The following RANBP2 variants were observed in gnomAD, a reference collection of about 807,000 sequenced individuals.
The protein encoded by RANBP2 is RAN binding protein 2.
In RANBP2, 57 loss-of-function variants were observed where a neutral mutation model predicts 303.6. The observed-to-expected ratio is 0.19, with a 90% CI of 0.15 to 0.23. The LOEUF is 0.23. Ranked by LOEUF, RANBP2 falls within the 10% of genes least tolerant of loss-of-function variation. The pLI is 1.00. For missense variants in RANBP2, 3,138 were observed against 3,780.8 expected (o/e 0.83, Z 4.46); for synonymous variants, 1,167 against 1,301.5 (o/e 0.90, Z 2.23).
the RANBP2 span, among the ~76,000 whole-genome samples, chr2:109,442,087 G>T: frequency 6.6e-6 from 1 of 152,120 alleles, no homozygotes; most frequent in Non-Finnish European, 1.5e-5. Context: ...TGAGACGGGT[G>T]GATCACGAGG....
the RANBP2 span, among the ~76,000 whole-genome samples, chr2:109,101,848 C>A: frequency 6.6e-6 from 1 of 152,090 alleles, no homozygotes; most frequent in African/African-American, 2.4e-5. Flanking sequence ...GTGTTTTAGG[C>A]GCTGGTGAGC....
the RANBP2 span, among the ~76,000 whole-genome samples, chr2:109,692,992 T>C: frequency 1.3e-5 from 2 of 151,878 alleles, no homozygotes; most frequent in Non-Finnish European, 2.9e-5. Context: ...CATATCTCAT[T>C]ATACCGTCTG....
chr2:108,958,356 G>T, the RANBP2 span, among the ~76,000 whole-genome samples: 2 of 151,986 alleles, frequency 1.3e-5, no homozygotes, highest in Non-Finnish European at 1.5e-5. Flanking sequence ...TAAATACACA[G>T]GGAATTGCTA....
At chr2:109,391,872 C>T in the RANBP2 span, among the ~76,000 whole-genome samples, 1 of 152,062 alleles carries the variant, frequency 6.6e-6, no homozygotes, top group African/African-American at 2.4e-5. Flanking sequence ...CAGGGTCTTA[C>T]TCTGTCACCC....
chr2:109,361,105 C>T, the RANBP2 span, among the ~76,000 whole-genome samples: 42 of 152,224 alleles, frequency 2.8e-4, no homozygotes, highest in African/African-American at 9.4e-4. Context: ...CTTCTTTAGC[C>T]TGTGGATATG....
chr2:108,731,620 T>C, intron 4 of RANBP2, 146 bp downstream of exon 4: 1 of 1,456,254 alleles, frequency 6.9e-7, no homozygotes, highest in Non-Finnish European at 9.2e-7. Context: ...TGTTAAAACC[T>C]TTCTGAGCAT....
At chr2:108,922,973 T>G in the RANBP2 span, among the ~76,000 whole-genome samples, 1 of 152,252 alleles carries the variant, frequency 6.6e-6, no homozygotes, top group Non-Finnish European at 1.5e-5. Context: ...TTGGCCTCAC[T>G]GTCACCTAGC....
the RANBP2 span, among the ~76,000 whole-genome samples, chr2:108,823,513 G>C: frequency 6.6e-6 from 1 of 152,148 alleles, no homozygotes; most frequent in African/African-American, 2.4e-5. Context: ...ATAACCCTAG[G>C]TGATATAGCC....
At chr2:109,231,602 G>C in the RANBP2 span, among the ~76,000 whole-genome samples, 1 of 152,162 alleles carries the variant, frequency 6.6e-6, no homozygotes. Flanking sequence ...CCACCTACTA[G>C]TTAAGTAGGC....
At chr2:109,283,224 G>A in the RANBP2 span, among the ~76,000 whole-genome samples, 1 of 152,164 alleles carries the variant, frequency 6.6e-6, no homozygotes, top group African/African-American at 2.4e-5. Flanking sequence ...CCCCAGCCTG[G>A]CAGTCTCCCG....
At chr2:108,986,477 G>A in the RANBP2 span, among the ~76,000 whole-genome samples, 459 of 152,248 alleles carry the variant, frequency 3.0e-3, 3 homozygotes, top group Middle Eastern at 0.014. Flanking sequence ...AGTGTTGGAG[G>A]CAGAGGACAC....
At position 108,767,848 on chromosome 2, in the gene RANBP2, G is replaced by A. The variant is rs1677220231; in HGVS notation, c.7309G>A (p.Asp2437Asn). ...TGCAGACTCGTTTAAGAAAATTTTT[G>A]ATGAAGCAAAAACAGCCCAGGAAAA... ...DVADSFKKIF[D>N]EAKTAQEKDS... Residue 2437 changes from aspartate (D) to asparagine (N), a missense_variant, in exon 20 of 29, where the codon GAT becomes AAT. This residue lies in a region of RANBP2 where 92 missense variants were observed against 211.0 expected (regional missense o/e 0.44). Coordinates refer to ENST00000283195, the MANE Select transcript of RANBP2 (RefSeq NM_006267.5). 1 of 1,609,922 alleles carries A rather than the reference G, an allele frequency of 6.2e-7. No individual in the cohort carries two copies. The highest frequency in any genetic ancestry group is 8.5e-7 in the Non-Finnish European group (1 of 1,179,710).
intron 25 of RANBP2, among the ~76,000 whole-genome samples, chr2:108,779,311 A>T (rs1417279112): frequency 6.6e-6 from 1 of 151,906 alleles, no homozygotes; most frequent in African/African-American, 2.4e-5. Flanking sequence ...ACAGGCATGC[A>T]CTGCAACACC....
chr2:108,910,646 C>T, the RANBP2 span: 540 of 1,406,880 alleles, frequency 3.8e-4, 13 homozygotes, highest in South Asian at 6.2e-3. Context: ...CTGTGTGGCA[C>T]CACCCCACGG....
At chr2:108,875,104 A>G in the RANBP2 span, among the ~76,000 whole-genome samples, 1 of 151,982 alleles carries the variant, frequency 6.6e-6, no homozygotes, top group East Asian at 1.9e-4. Flanking sequence ...TTAAGACCAC[A>G]AAAGATGTAA....
At chr2:108,793,193 TAA>T in the RANBP2 span, among the ~76,000 whole-genome samples, 4 of 146,144 alleles carry the variant, frequency 2.7e-5, no homozygotes, top group African/African-American at 7.5e-5. Flanking sequence ...CTGTCTCTAC[TAA>T]AAAAAAAAAT....
chr2:109,684,587 G>A, the RANBP2 span, among the ~76,000 whole-genome samples: 7 of 147,822 alleles, frequency 4.7e-5, no homozygotes, highest in African/African-American at 1.3e-4. Flanking sequence ...AGGATGGAGT[G>A]CAGTGGCATG....
At chr2:108,958,101 C>T in the RANBP2 span, among the ~76,000 whole-genome samples, 1 of 152,068 alleles carries the variant, frequency 6.6e-6, no homozygotes, top group Admixed American at 6.6e-5. Context: ...TCAGACTAAA[C>T]GAACGCACAC....
the RANBP2 span, among the ~76,000 whole-genome samples, chr2:109,162,511 C>T: frequency 6.6e-6 from 1 of 152,212 alleles, no homozygotes; most frequent in Non-Finnish European, 1.5e-5. Context: ...TGTGCTGCAC[C>T]CATTAACTTG....
Sources: gnomAD v4.1 joint callset for allele counts (sites outside exome capture counted in the v4.1 genomes callset) on GRCh38, gnomAD v4.1.1 for gene constraint, gnomAD v4.1.1 regional missense constraint, MANE v1.5 for transcripts, NCBI Gene and HGNC (gene_info 2026-07-23, HGNC 2026-07-21) for gene names.